DMD: variants seen among roughly 807,000 people sequenced by gnomAD.
DMD encodes the protein dystrophin.
A neutral mutation model predicts 330.1 loss-of-function variants in DMD; 63 were observed. The observed-to-expected ratio is 0.19, with a 90% CI of 0.16 to 0.24. The LOEUF (loss-of-function observed/expected upper bound fraction) is 0.24. Among genes scored for constraint, DMD ranks in the 10% least tolerant of loss-of-function variants. DMD has a pLI of 1.00. For missense variants in DMD, 3,344 were observed against 2,684.1 expected (o/e 1.25, Z -5.43); for synonymous variants, 1,223 against 959.8 (o/e 1.27, Z -5.07).
intron 65 of DMD, among the ~76,000 whole-genome samples, chrX:31,208,404 T>C (rs1336513468): frequency 8.9e-6 from 1 of 112,214 alleles, no homozygotes; most frequent in Non-Finnish European, 1.9e-5. Context: ...AAGGAAGTTA[T>C]ACATTCAGAA....
intron 7 of DMD, among the ~76,000 whole-genome samples, chrX:32,765,844 G>C (rs2072917781): frequency 9.0e-6 from 1 of 111,195 alleles, no homozygotes; most frequent in Non-Finnish European, 1.9e-5. Context: ...CTGTACTTTT[G>C]GCCACGTTTA....
At chrX:32,105,336 A>G (rs2096559500) in intron 44 of DMD, among the ~76,000 whole-genome samples, 2 of 112,302 alleles carry the variant, frequency 1.8e-5, no homozygotes, top group African/African-American at 6.5e-5. Context: ...ACAATTCTAT[A>G]TTTATACAGA....
intron 47 of DMD, among the ~76,000 whole-genome samples, chrX:31,883,577 T>C (rs934878167): frequency 9.0e-6 from 1 of 111,560 alleles, no homozygotes; most frequent in Non-Finnish European, 1.9e-5. Flanking sequence ...TAGGGGAATA[T>C]CAGAGATAAA....
intron 4 of DMD, among the ~76,000 whole-genome samples, chrX:32,830,759 T>C (rs895779475): frequency 8.9e-6 from 1 of 111,757 alleles, no homozygotes; most frequent in African/African-American, 3.2e-5. Context: ...AGTTTTACAC[T>C]GTTATCTTCG....
At chrX:33,296,234 C>A (rs906260297) in intron 1 of DMD, among the ~76,000 whole-genome samples, 1 of 110,797 alleles carries the variant, frequency 9.0e-6, no homozygotes, top group African/African-American at 3.3e-5. Flanking sequence ...TTAAAGTAAT[C>A]CATTGTGGTG....
At chrX:32,242,610 T>A (rs940167438) in intron 43 of DMD, among the ~76,000 whole-genome samples, 37 of 111,546 alleles carry the variant, frequency 3.3e-4, no homozygotes, top group African/African-American at 1.0e-3. Context: ...ATTTTATTTG[T>A]TAATACTTTT....
At chrX:31,183,226 T>C (rs1165897348) in intron 67 of DMD, among the ~76,000 whole-genome samples, 1 of 107,639 alleles carries the variant, frequency 9.3e-6, no homozygotes, top group Non-Finnish European at 1.9e-5. Context: ...GCTTTAATTT[T>C]TGAACTGATA....
intron 57 of DMD, among the ~76,000 whole-genome samples, chrX:31,483,221 T>TG: frequency 9.2e-6 from 1 of 108,209 alleles, no homozygotes; most frequent in Non-Finnish European, 1.9e-5. Context: ...TAATTTTTTG[T>TG]ATTTTTAGTA....
chrX:32,071,600 T>C (rs1038616218), intron 44 of DMD, among the ~76,000 whole-genome samples: 1 of 108,070 alleles, frequency 9.3e-6, no homozygotes, highest in African/African-American at 3.4e-5. Flanking sequence ...ATGGCACATG[T>C]ATACATACGT....
chrX:32,189,119 TA>T, intron 44 of DMD, among the ~76,000 whole-genome samples: 1 of 110,575 alleles, frequency 9.0e-6, no homozygotes, highest in East Asian at 2.8e-4. Context: ...TCACAGATTT[TA>T]AAATTGAGTC....
intron 44 of DMD, among the ~76,000 whole-genome samples, chrX:31,990,087 A>G (rs1448503232): frequency 1.8e-5 from 2 of 112,568 alleles, no homozygotes; most frequent in South Asian, 7.2e-4. Context: ...TCATGTTGAC[A>G]TTGTTCTGTC....
At chrX:32,692,042 A>G (rs931766235) in intron 9 of DMD, among the ~76,000 whole-genome samples, 7 of 111,793 alleles carry the variant, frequency 6.3e-5, no homozygotes, top group Middle Eastern at 8.4e-3. Context: ...ACGAAGGTTC[A>G]GCTATGAAAG....
intron 2 of DMD, among the ~76,000 whole-genome samples, chrX:32,909,068 G>A (rs2086971024): frequency 9.4e-6 from 1 of 106,669 alleles, no homozygotes; most frequent in African/African-American, 3.5e-5. Flanking sequence ...GGTGACCCTG[G>A]TACCATCTAA....
At chrX:32,679,901 A>ATT (rs1569447513) in intron 9 of DMD, among the ~76,000 whole-genome samples, 48 of 30,948 alleles carry the variant, frequency 1.6e-3, no homozygotes, top group African/African-American at 5.6e-3. Context: ...TAATATTTGT[A>ATT]CTTTTTTTTT....
intron 2 of DMD, among the ~76,000 whole-genome samples, chrX:32,958,932 G>A (rs12846268): frequency 0.37 from 40,567 of 108,966 alleles, 6,711 homozygotes; most frequent in African/African-American, 0.64. Context: ...ATGCAGAACT[G>A]CTTTAAAACA....
intron 21 of DMD, among the ~76,000 whole-genome samples, chrX:32,475,386 T>G (rs1248539468): frequency 9.0e-6 from 1 of 111,363 alleles, no homozygotes; most frequent in Non-Finnish European, 1.9e-5. Context: ...TCTAATTCTG[T>G]GAAGAATGAT....
chrX:32,500,807 G>T (rs1399401199), intron 19 of DMD, among the ~76,000 whole-genome samples: 1 of 111,598 alleles, frequency 9.0e-6, no homozygotes, highest in Non-Finnish European at 1.9e-5. Flanking sequence ...AGAAGAAAAT[G>T]AATTGATTTT....
rs377161383 is a variant in DMD at position 32,800,209 on chromosome X, A to G, written c.649+9284T>C. On this transcript the variant is annotated intron_variant, in intron 7 of 78. Coordinates refer to ENST00000357033, the MANE Select transcript of DMD (RefSeq NM_004006.3). ...AGCCAACATCATGCATAAGCTACAG[A>G]ACCAATATCTGGTTAAATAAAAATA... 7.1e-5 allele frequency among the ~76,000 whole-genome samples: 8 copies of G among 111,957 alleles called. No homozygotes were observed. In the East Asian group the frequency reaches 2.2e-3, roughly 31 times the overall value.
intron 41 of DMD, among the ~76,000 whole-genome samples, chrX:32,327,362 T>C (rs865850287): frequency 8.1e-5 from 9 of 111,086 alleles, no homozygotes; most frequent in South Asian, 3.8e-4. Flanking sequence ...CGAGAGGCCT[T>C]TTGTTCTACT....
Sources: allele counts gnomAD v4.1 joint callset (sites outside exome capture counted in the v4.1 genomes callset), GRCh38; gene constraint gnomAD v4.1.1; transcripts MANE v1.5; gene names NCBI Gene and HGNC (gene_info 2026-07-23, HGNC 2026-07-21).